CHD1L: variants seen among roughly 807,000 people sequenced by gnomAD.
CHD1L encodes ATP-dependent chromatin remodeler CHD1L.
Under a neutral mutation model 115.9 loss-of-function variants are expected in CHD1L, and 118 were observed. The ratio of observed to expected loss-of-function variants is 1.02; its 90% CI spans 0.88 to 1.19. CHD1L has a LOEUF of 1.19. Ranked by LOEUF, CHD1L falls within the 50% of genes most tolerant of loss-of-function variation. CHD1L has a pLI of 0.00. For synonymous variants in CHD1L, 411 were observed against 387.1 expected (o/e 1.06, Z -0.72); for missense variants, 1,179 against 1,065.3 (o/e 1.11, Z -1.49).
intron 1 of CHD1L, among the ~76,000 whole-genome samples, chr1:147,251,821 G>A (rs1668505418): frequency 6.6e-6 from 1 of 152,264 alleles, no homozygotes; most frequent in African/African-American, 2.4e-5. Flanking sequence ...GTGAGATACT[G>A]TAATTTATGT....
At chr1:147,250,421 A>C (rs1208317693) in intron 1 of CHD1L, among the ~76,000 whole-genome samples, 2 of 151,996 alleles carry the variant, frequency 1.3e-5, no homozygotes, top group Non-Finnish European at 2.9e-5. Context: ...CCAGGTGGGG[A>C]TAGAAGTCCA....
chr1:147,230,925 C>T, the CHD1L span, among the ~76,000 whole-genome samples: 1 of 151,626 alleles, frequency 6.6e-6, no homozygotes, highest in Admixed American at 6.6e-5. Flanking sequence ...TGCTAGCAGT[C>T]TATCAATTTT....
the CHD1L span, chr1:147,173,510 A>T: frequency 1.3e-5 from 2 of 152,316 alleles, no homozygotes; most frequent in Admixed American, 6.5e-5. Flanking sequence ...CAGAAGAAAT[A>T]AAATTCAAGG....
chr1:147,252,450 G>A (rs587768015), intron 1 of CHD1L, among the ~76,000 whole-genome samples, 173 bp from the exon 2 acceptor site: 1 of 152,328 alleles, frequency 6.6e-6, no homozygotes, highest in East Asian at 1.9e-4. Flanking sequence ...TCAAAAAGTA[G>A]TTTGGAAGTC....
chr1:147,268,158 T>C (rs1233604746), intron 9 of CHD1L, among the ~76,000 whole-genome samples: 2 of 152,200 alleles, frequency 1.3e-5, no homozygotes, highest in Admixed American at 6.5e-5. Flanking sequence ...CCCTTCATCA[T>C]ACAGACCTCA....
chr1:147,186,081 A>G, the CHD1L span, among the ~76,000 whole-genome samples: 1 of 152,218 alleles, frequency 6.6e-6, no homozygotes, highest in Non-Finnish European at 1.5e-5. Flanking sequence ...AGACCACACT[A>G]CAACAATTGG....
At chr1:147,251,866 C>T (rs587715348) in intron 1 of CHD1L, among the ~76,000 whole-genome samples, 3 of 152,114 alleles carry the variant, frequency 2.0e-5, no homozygotes, top group African/African-American at 7.2e-5. Flanking sequence ...TTTGTAAGTG[C>T]CTAAGAAAAA....
chr1:147,265,696 A>G (rs1553947580), intron 7 of CHD1L, among the ~76,000 whole-genome samples: 1 of 152,204 alleles, frequency 6.6e-6, no homozygotes, highest in Non-Finnish European at 1.5e-5. Flanking sequence ...CTTTGTGCAA[A>G]TGAGATAAGA....
At chr1:147,189,812 C>T in the CHD1L span, among the ~76,000 whole-genome samples, 1 of 152,140 alleles carries the variant, frequency 6.6e-6, no homozygotes, top group Non-Finnish European at 1.5e-5. Context: ...CCATAGCTAC[C>T]TCTCATTCAT....
intron 14 of CHD1L, 88 bp from the exon 15 acceptor site, chr1:147,279,938 G>A: frequency 7.5e-7 from 1 of 1,341,842 alleles, no homozygotes; most frequent in Non-Finnish European, 1.1e-6. Context: ...ACTGTGCCTG[G>A]TGTCGTTAAT....
chr1:147,233,343 C>A, the CHD1L span, among the ~76,000 whole-genome samples: 2 of 151,780 alleles, frequency 1.3e-5, no homozygotes, highest in African/African-American at 4.8e-5. Context: ...TCAGCCCCTG[C>A]CAGGCCAGCC....
rs1382756923 is a variant in CHD1L, at chr1:147,285,475, A to G, written c.2006A>G (p.Glu669Gly). 1.2e-6 allele frequency: 2 copies of G among 1,611,052 alleles called. No homozygotes were observed. Among genetic ancestry groups the G allele is most frequent in the African/African-American group, 2.7e-5 (2 of 74,542 alleles). The change falls in exon 17 of 23, where the codon GAA (glutamate) becomes GGA (glycine). Residue 669 changes from glutamate (E) to glycine (G), a missense_variant. Physicochemically the swap from Glu to Gly is moderately conservative, Grantham distance 98 (BLOSUM62 -2). Transcript: ENST00000369258. ...EEKKRQKEEA[E>G]HKKKMAWWES... ...AAGAAGAGGCAAAAGGAAGAGGCTGAACATAAGAAAAAGTATGTCTGCGTT... is the reference window on the plus strand; with the variant it reads ...AAGAAGAGGCAAAAGGAAGAGGCTGGACATAAGAAAAAGTATGTCTGCGTT...
chr1:147,287,517 T>G (rs587723234), intron 18 of CHD1L, 118 bp from the exon 19 acceptor site: 1 of 663,058 alleles, frequency 1.5e-6, no homozygotes, highest in East Asian at 2.7e-5. Flanking sequence ...TAAGATATTT[T>G]GTTTCTTCCC....
the CHD1L span, chr1:147,203,595 C>T: frequency 9.0e-7 from 1 of 1,114,210 alleles, no homozygotes; most frequent in East Asian, 2.4e-5. Context: ...CGGGGAATAG[C>T]TTCAAACGCC....
chr1:147,279,719 A>G (rs150702709), intron 14 of CHD1L, among the ~76,000 whole-genome samples: 2 of 152,334 alleles, frequency 1.3e-5, no homozygotes, highest in East Asian at 3.9e-4. Flanking sequence ...GAGGTGCTGT[A>G]GAAAATGCAG....
chr1:147,285,276 G>A (rs781990980), intron 16 of CHD1L, 48 bp from the exon 17 acceptor site: 16 of 1,580,034 alleles, frequency 1.0e-5, no homozygotes, highest in Admixed American at 1.8e-5. Context: ...AATGAAATTC[G>A]GGGAGGAATC....
intron 6 of CHD1L, among the ~76,000 whole-genome samples, chr1:147,262,447 A>G (rs1312699396): frequency 1.3e-5 from 2 of 152,182 alleles, no homozygotes; most frequent in African/African-American, 4.8e-5. Context: ...TTTGATCCCA[A>G]AATGGACCTA....
At chr1:147,185,855 C>T in the CHD1L span, among the ~76,000 whole-genome samples, 6 of 152,156 alleles carry the variant, frequency 3.9e-5, no homozygotes, top group African/African-American at 1.4e-4. Context: ...GATGTAAACC[C>T]AAGTACCTGC....
intron 15 of CHD1L, among the ~76,000 whole-genome samples, chr1:147,282,554 G>T (rs1489917586): frequency 3.3e-5 from 5 of 152,082 alleles, no homozygotes; most frequent in Non-Finnish European, 7.4e-5. Context: ...TTTCCAAAAG[G>T]TTCTTGAACT....
Sources: gnomAD v4.1 joint callset for allele counts (sites outside exome capture counted in the v4.1 genomes callset) on GRCh38, gnomAD v4.1.1 for gene constraint, MANE v1.5 for transcripts, NCBI Gene and HGNC (gene_info 2026-07-23, HGNC 2026-07-21) for gene names.